Variants in NAALADL2 observed in about 807,000 individuals in gnomAD.
NAALADL2 encodes the protein N-acetylated alpha-linked acidic dipeptidase like 2, also known as inactive N-acetylated-alpha-linked acidic dipeptidase-like protein 2.
A neutral mutation model predicts 87.2 loss-of-function variants in NAALADL2; 76 were observed. The observed-to-expected ratio is 0.87, with a 90% confidence interval of 0.72 to 1.05. NAALADL2 has a LOEUF of 1.05. NAALADL2 is among the 50% of genes least tolerant of loss of function. The probability of loss-of-function intolerance (pLI) is 0.00; values close to 1 mark genes in which losing one functional copy is unlikely to be tolerated. For missense variants in NAALADL2, 1,089 were observed against 945.8 expected, an observed-to-expected ratio of 1.15 and a Z score of -1.99; for synonymous variants, 354 against 331.0, an observed-to-expected ratio of 1.07 and a Z score of -0.75.
chr3:174,810,098 A>G (rs778967992), intron 3 of NAALADL2, among the ~76,000 whole-genome samples: 1 of 151,758 alleles, frequency 6.6e-6, no homozygotes, highest in Non-Finnish European at 1.5e-5. Flanking sequence ...AGCCAATTAA[A>G]CCTCTTTTCT....
chr3:174,923,811 T>C (rs923409620), intron 1 of NAALADL2, among the ~76,000 whole-genome samples: 3 of 152,094 alleles, frequency 2.0e-5, no homozygotes, highest in African/African-American at 7.2e-5. Context: ...TCTTCTGAGG[T>C]TTTGCTGGTA....
chr3:174,882,765 A>G (rs1729517385), intron 1 of NAALADL2, among the ~76,000 whole-genome samples: 1 of 143,476 alleles, frequency 7.0e-6, no homozygotes, highest in African/African-American at 2.6e-5. Context: ...GTATATATAC[A>G]CACGTGTATA....
Position 175,181,718 on chromosome 3 carries a change from T to TGTGTGTGTATGC in NAALADL2, c.546-52213_546-52212insGTGTGTGTATGC, listed in dbSNP as rs1553802465. Among the ~76,000 whole-genome samples the TGTGTGTGTATGC allele has an allele frequency of 4.3e-3, 313 of 72,376 alleles. 2 individuals carry two copies. The highest frequency in any genetic ancestry group is 0.013 in the African/African-American group (286 of 21,726). The allele number at this position is 72,376 out of a possible 152,430, so 47.5% of individuals were successfully genotyped here. A position where few individuals can be genotyped will look rare whatever the true frequency, so the allele number is the denominator to read the frequency against. ...ATATATATATATGTGTGTGTGTGTG[T>TGTGTGTGTATGC]ATATATATGTATATATGTGTATATA... is the stretch of plus-strand genomic sequence containing the variant. On this transcript the variant is annotated intron_variant, in intron 2 of 13. Coordinates refer to ENST00000454872, the MANE Select transcript of NAALADL2 (RefSeq NM_207015.3).
intron 2 of NAALADL2, among the ~76,000 whole-genome samples, chr3:175,180,481 C>G (rs1439530831): frequency 1.3e-5 from 2 of 151,838 alleles, no homozygotes; most frequent in African/African-American, 4.8e-5. Context: ...TTAATCATTG[C>G]TAGTGAAGGC....
rs533834940 is a variant in NAALADL2 at position 174,986,911 on chromosome 3, C to T, written c.44-109879C>T. Among the ~76,000 whole-genome samples, 7 of 152,220 alleles carry T rather than the reference C, an allele frequency of 4.6e-5. No individual in the cohort carries two copies. The East Asian group carries it at 7.7e-4, about 17-fold the overall frequency. On this transcript the variant is annotated intron_variant, in intron 1 of 13. Transcript: ENST00000454872. ...GCTCTGCAGAGAGGGATGATTCATA[C>T]ATTTTGTGCTTTCTGATGATAGGAG... is the stretch of plus-strand genomic sequence containing the variant.
chr3:175,690,917 T>C (rs1385862281), intron 11 of NAALADL2, among the ~76,000 whole-genome samples: 1 of 151,972 alleles, frequency 6.6e-6, no homozygotes, highest in Non-Finnish European at 1.5e-5. Flanking sequence ...CTTAAATACC[T>C]CTACTGTCAG....
At chr3:174,470,090 A>G (rs1716805350) in intron 1 of NAALADL2, among the ~76,000 whole-genome samples, 1 of 141,770 alleles carries the variant, frequency 7.1e-6, no homozygotes, top group Non-Finnish European at 1.5e-5. Context: ...TCTTAACACT[A>G]CTATATATCC....
rs530214760 is a variant in NAALADL2 at position 175,085,973 on chromosome 3, A to C, written c.44-10817A>C. Among the ~76,000 whole-genome samples, 4 of 152,316 alleles carry C rather than the reference A, an allele frequency of 2.6e-5. No homozygotes were observed. In the South Asian group the frequency reaches 8.3e-4, roughly 32 times the overall value. ...AGACAGGTTATAATTGTAAAGGATG[A>C]TTGGAATGGAAAGTCTCACCAGTTG... On this transcript the variant is annotated intron_variant, in intron 1 of 13. Transcript: ENST00000454872.
intron 1 of NAALADL2, among the ~76,000 whole-genome samples, chr3:174,881,494 G>T (rs1394789802): frequency 6.6e-6 from 1 of 152,094 alleles, no homozygotes; most frequent in African/African-American, 2.4e-5. Flanking sequence ...AATAAAATAT[G>T]TAAGTAGGTT....
intron 11 of NAALADL2, among the ~76,000 whole-genome samples, chr3:175,661,555 G>C (rs1161459646): frequency 7.1e-6 from 1 of 140,858 alleles, no homozygotes; most frequent in Admixed American, 6.7e-5. Flanking sequence ...CTGTGCTTTT[G>C]AGTTCTTTCT....
intron 11 of NAALADL2, among the ~76,000 whole-genome samples, chr3:175,639,070 G>A (rs1393250208): frequency 6.6e-6 from 1 of 152,062 alleles, no homozygotes; most frequent in Non-Finnish European, 1.5e-5. Flanking sequence ...TATATAAGTG[G>A]AATCTCTTCC....
At chr3:174,872,989 C>G (rs1728030475) in intron 1 of NAALADL2, among the ~76,000 whole-genome samples, 1 of 152,162 alleles carries the variant, frequency 6.6e-6, no homozygotes, top group African/African-American at 2.4e-5. Context: ...AACCTCCTCA[C>G]AGTGAGAACT....
intron 11 of NAALADL2, among the ~76,000 whole-genome samples, chr3:175,693,341 T>C (rs1236439076): frequency 2.0e-5 from 3 of 152,184 alleles, no homozygotes; most frequent in African/African-American, 7.2e-5. Flanking sequence ...TTAATTTATT[T>C]GATATGGCTA....
At chr3:174,931,849 T>G (rs1322878202) in intron 1 of NAALADL2, among the ~76,000 whole-genome samples, 5 of 152,208 alleles carry the variant, frequency 3.3e-5, no homozygotes, top group African/African-American at 1.2e-4. Flanking sequence ...AATTGTGAGC[T>G]TCTGAGATCA....
chr3:174,561,611 T>C (rs1055321064), intron 2 of NAALADL2, among the ~76,000 whole-genome samples: 2 of 152,074 alleles, frequency 1.3e-5, no homozygotes, highest in Non-Finnish European at 2.9e-5. Flanking sequence ...GGGTAGAAGA[T>C]TCTTGCTAAA....
intron 2 of NAALADL2, among the ~76,000 whole-genome samples, chr3:175,121,045 T>C (rs1726071125): frequency 6.6e-6 from 1 of 151,854 alleles, no homozygotes. Context: ...TTTTAAGTGG[T>C]ATCCTACATT....
chr3:175,718,264 GTTTCATAT>G lies in NAALADL2; in HGVS notation c.1897-19037_1897-19030del, dbSNP rs1176494876. The G allele has an allele frequency of 1.9e-5, 23 of 1,241,218 alleles. 1 individual carries two copies. In the African/African-American group the frequency reaches 3.4e-4, roughly 18 times the overall value. The allele number at this position is 1,241,218 out of a possible 1,614,324, so 76.9% of individuals were successfully genotyped here. ...CACTGTCCTTCGGGCGACTGAGGGA[GTTTCATAT>G]TTTCTTTAGACATCGTTAGGCGCCG... On this transcript the variant is annotated intron_variant, in intron 11 of 13. Transcript: ENST00000454872.
chr3:174,495,396 T>C (rs1718468072), intron 1 of NAALADL2, among the ~76,000 whole-genome samples: 2 of 152,190 alleles, frequency 1.3e-5, no homozygotes, highest in African/African-American at 2.4e-5. Flanking sequence ...AAACATTTAA[T>C]GGGCATCAAG....
chr3:174,712,947 T>C (rs987678361), intron 2 of NAALADL2, among the ~76,000 whole-genome samples: 60 of 151,882 alleles, frequency 4.0e-4, no homozygotes, highest in Non-Finnish European at 7.1e-4. Context: ...ATGCTATGCC[T>C]CCCCCCTCCC....
Sources: allele counts gnomAD v4.1 joint callset (sites outside exome capture counted in the v4.1 genomes callset), GRCh38; gene constraint gnomAD v4.1.1; transcripts MANE v1.5; gene names NCBI Gene and HGNC (gene_info 2026-07-23, HGNC 2026-07-21).